The following YES1 variants were observed in gnomAD, a reference collection of about 807,000 sequenced individuals.
YES1 encodes the protein tyrosine-protein kinase Yes.
YES1 carries 39 observed loss-of-function variants against 70.4 expected under a neutral mutation model. The observed-to-expected ratio is 0.55, with a 90% CI of 0.43 to 0.72. The LOEUF (loss-of-function observed/expected upper bound fraction) is 0.72, where lower values mean the gene tolerates loss of function less well. Among genes scored for constraint, YES1 ranks in the 30% least tolerant of loss-of-function variants. YES1 has a pLI of 0.00. For missense variants in YES1, 495 were observed against 644.8 expected (o/e 0.77, Z 2.52); for synonymous variants, 198 against 218.6 (o/e 0.91, Z 0.83).
chr18:783,559 C>T (rs1905784885), intron 1 of YES1, among the ~76,000 whole-genome samples: 1 of 151,776 alleles, frequency 6.6e-6, no homozygotes. Context: ...AGCGTATCTG[C>T]TTCCCATTCC....
Position 788,714 on chromosome 18 carries a change from G to A in YES1, c.-9+23400C>T, listed in dbSNP as rs538991783. 1.2e-4 allele frequency among the ~76,000 whole-genome samples: 18 copies of A among 152,328 alleles called. 1 individual carries two copies. The highest frequency in any genetic ancestry group is 1.0e-3 in the South Asian group (5 of 4,818). On this transcript the variant is annotated intron_variant, in intron 1 of 11. Transcript: ENST00000314574. ...GTGGATAGATCACTTGAAGCCAGGA[G>A]TTTGAGACCGGCCTGGCCAATTTGG... is the stretch of plus-strand genomic sequence containing the variant.
chr18:796,262 T>G (rs1477318970), intron 1 of YES1, among the ~76,000 whole-genome samples: 1 of 152,112 alleles, frequency 6.6e-6, no homozygotes, highest in Non-Finnish European at 1.5e-5. Flanking sequence ...AGCGTGTAAT[T>G]TGAGTAAATT....
chr18:750,171 T>C (rs567475232), intron 3 of YES1, among the ~76,000 whole-genome samples: 8 of 152,326 alleles, frequency 5.3e-5, no homozygotes, highest in African/African-American at 1.9e-4. Context: ...AATTCAAATA[T>C]TTAGAAACTC....
intron 2 of YES1, among the ~76,000 whole-genome samples, chr18:752,515 T>C (rs2080355329): frequency 6.6e-6 from 1 of 152,304 alleles, no homozygotes; most frequent in South Asian, 2.1e-4. Context: ...TACTACAAAC[T>C]AGTGGGGCAG....
At chr18:790,478 C>T (rs1906189447) in intron 1 of YES1, among the ~76,000 whole-genome samples, 1 of 152,082 alleles carries the variant, frequency 6.6e-6, no homozygotes, top group Non-Finnish European at 1.5e-5. Context: ...TTAATTTCCT[C>T]TTATTATAAC....
chr18:732,803 G>T (rs2080107948), intron 11 of YES1, 31 bp downstream of exon 11: 1 of 1,613,918 alleles, frequency 6.2e-7, no homozygotes, highest in Non-Finnish European at 8.5e-7. Context: ...CCACTCATGA[G>T]ATAACCAAGA....
At position 751,695 on chromosome 18, in the gene YES1, T is replaced by C. The variant is rs764048271; in HGVS notation, c.371+10A>G. ...CAGTATTTCTCTCACAAAATATTCATGACACTTACGTATTGTTAATTATTT... is the reference window on the plus strand; with the variant it reads ...CAGTATTTCTCTCACAAAATATTCACGACACTTACGTATTGTTAATTATTT... On this transcript the variant is annotated intron_variant, in intron 3 of 11. Transcript: ENST00000314574. 4 of 1,494,120 alleles carry C rather than the reference T, an allele frequency of 2.7e-6. No individual in the cohort carries two copies. The highest frequency in any genetic ancestry group is 3.7e-6 in the Non-Finnish European group (4 of 1,075,894). The allele number at this position is 1,494,120 out of a possible 1,614,324, so 92.6% of individuals were successfully genotyped here. A position where few individuals can be genotyped will look rare whatever the true frequency, so the allele number is the denominator to read the frequency against.
In YES1 at chr18:743,036, T is replaced by C. The variant is rs773565802; in HGVS notation, c.942A>G (p.Pro314=). Residue 314 remains proline (P), a synonymous_variant, in exon 8 of 12, where the codon CCA becomes CCG. Transcript: ENST00000314574. ...IKTLKPGTMM[P]EAFLQEAQIM... is the part of the protein sequence containing the mutation. ...TCTGAGCTTCTTGAAGGAAAGCTTC[T>C]GGCATCATTGTACCTGGTTTTAGTG... 6.2e-7 allele frequency: 1 copy of C among 1,612,246 alleles called. No individual in the cohort carries two copies. The highest frequency in any genetic ancestry group is 8.5e-7 in the Non-Finnish European group (1 of 1,179,680).
chr18:788,673 A>C (rs1411004371), intron 1 of YES1, among the ~76,000 whole-genome samples: 1 of 152,192 alleles, frequency 6.6e-6, no homozygotes, highest in Non-Finnish European at 1.5e-5. Context: ...AATCCCCGGC[A>C]CTTTGGGAGG....
At chr18:760,401 C>T (rs745928234) in intron 1 of YES1, among the ~76,000 whole-genome samples, 21 of 151,992 alleles carry the variant, frequency 1.4e-4, no homozygotes, top group African/African-American at 1.5e-4. Flanking sequence ...ATCTGGGAGG[C>T]GGAGGTTGCA....
rs562398645 is a variant in YES1 at position 796,568 on chromosome 18, G to A, written c.-9+15546C>T. On this transcript the variant is annotated intron_variant, in intron 1 of 11. Transcript: ENST00000314574. Reference sequence around the variant, plus strand: ...GCAGATCACAAGGTCAGGAGCTCAAGACCAGCCTGCCCAACATAGTGAAAC... The same window carrying A: ...GCAGATCACAAGGTCAGGAGCTCAAAACCAGCCTGCCCAACATAGTGAAAC... Among the ~76,000 whole-genome samples the A allele has an allele frequency of 5.1e-4, 78 of 152,238 alleles. 1 individual carries two copies. Among genetic ancestry groups the A allele is most frequent in the African/African-American group, 1.4e-3 (59 of 41,534 alleles).
chr18:732,809 C>T (rs1367080872), intron 11 of YES1, 25 bp downstream of exon 11: 2 of 1,613,950 alleles, frequency 1.2e-6, no homozygotes, highest in Admixed American at 1.7e-5. Flanking sequence ...ATGAGATAAC[C>T]AAGAGCTATA....
chr18:733,100 C>T (rs1308316838), intron 10 of YES1, 135 bp from the exon 11 acceptor site: 2 of 708,688 alleles, frequency 2.8e-6, no homozygotes, highest in East Asian at 2.8e-5. Flanking sequence ...GTACAAGATA[C>T]ATGGGATAAA....
chr18:789,406 A>G (rs1471281550), intron 1 of YES1, among the ~76,000 whole-genome samples: 1 of 152,006 alleles, frequency 6.6e-6, no homozygotes, highest in Non-Finnish European at 1.5e-5. Flanking sequence ...ACATAGGGAG[A>G]ATCCTGTCTC....
At chr18:749,496 C>A (rs894612723) in intron 3 of YES1, among the ~76,000 whole-genome samples, 1 of 151,444 alleles carries the variant, frequency 6.6e-6, no homozygotes, top group Non-Finnish European at 1.5e-5. Flanking sequence ...AAAACTCCAT[C>A]TCAAAAAAAC....
At chr18:728,866 C>A (rs543165044) in intron 11 of YES1, among the ~76,000 whole-genome samples, 2 of 152,164 alleles carry the variant, frequency 1.3e-5, no homozygotes, top group Non-Finnish European at 2.9e-5. Context: ...TCTGCACCAC[C>A]TCCTTATGGC....
intron 1 of YES1, among the ~76,000 whole-genome samples, chr18:760,656 A>C (rs58895273): frequency 0.038 from 5,740 of 152,296 alleles, 377 homozygotes; most frequent in African/African-American, 0.13. Context: ...GGGATGACTA[A>C]AGTGAAAATA....
intron 11 of YES1, among the ~76,000 whole-genome samples, chr18:732,213 T>C (rs1341363363): frequency 2.0e-5 from 3 of 151,570 alleles, no homozygotes; most frequent in Non-Finnish European, 4.4e-5. Flanking sequence ...CCTAGGCAGG[T>C]GGATCACCTG....
intron 1 of YES1, among the ~76,000 whole-genome samples, chr18:767,361 G>A (rs1416863507): frequency 3.3e-5 from 5 of 152,094 alleles, no homozygotes; most frequent in Admixed American, 6.6e-5. Context: ...ATGTTGTCCA[G>A]GCTGTTCTGG....
Sources: gnomAD v4.1 joint callset for allele counts (sites outside exome capture counted in the v4.1 genomes callset) on GRCh38, gnomAD v4.1.1 for gene constraint, MANE v1.5 for transcripts, NCBI Gene and HGNC (gene_info 2026-07-23, HGNC 2026-07-21) for gene names.